The following PSMA3 variants were observed in gnomAD, a reference collection of about 807,000 sequenced individuals.
PSMA3 encodes proteasome 20S subunit alpha 3.
A neutral mutation model predicts 40.0 loss-of-function variants in PSMA3; 8 were observed. The ratio of observed to expected loss-of-function variants is 0.20; its 90% CI spans 0.12 to 0.36. PSMA3 has a LOEUF of 0.36. PSMA3 is among the 10% of genes least tolerant of loss of function. The pLI is 1.00. For synonymous variants in PSMA3, 110 were observed against 100.0 expected (o/e 1.10, Z -0.59); for missense variants, 219 against 310.6 (o/e 0.70, Z 2.22).
At chr14:58,260,089 A>AT (rs761258342) in intron 5 of PSMA3, among the ~76,000 whole-genome samples, 10 of 152,298 alleles carry the variant, frequency 6.6e-5, no homozygotes, top group Non-Finnish European at 1.3e-4. Flanking sequence ...GATGCTGCTG[A>AT]TTTCTTTTCT....
At position 58,267,641 on chromosome 14, in the gene PSMA3, G is replaced by C. The variant is rs1594833355; in HGVS notation, c.590+121G>C. The C allele has an allele frequency of 3.2e-6, 4 of 1,269,750 alleles. 1 individual carries two copies. In the African/African-American group the frequency reaches 6.2e-5, roughly 20 times the overall value. The allele number at this position is 1,269,750 out of a possible 1,614,324, so 78.7% of individuals were successfully genotyped here. A position where few individuals can be genotyped will look rare whatever the true frequency, so the allele number is the denominator to read the frequency against. ...ATAACTTAGTGTATAATTTTTAGAA[G>C]GTAAATTTAACATTCTAAGAAGCCT... is the stretch of plus-strand genomic sequence containing the variant. On this transcript the variant is annotated intron_variant, in intron 8 of 10. Coordinates refer to ENST00000216455, the MANE Select transcript of PSMA3 (RefSeq NM_002788.4).
intron 7 of PSMA3, among the ~76,000 whole-genome samples, chr14:58,264,361 A>G (rs1231254023): frequency 1.3e-5 from 2 of 152,228 alleles, no homozygotes; most frequent in East Asian, 1.9e-4. Flanking sequence ...CATAAAGCCT[A>G]CACTCTTACG....
chr14:58,247,656 C>G, intron 1 of PSMA3, 94 bp from the exon 2 acceptor site: 1 of 781,610 alleles, frequency 1.3e-6, no homozygotes, highest in Admixed American at 2.6e-5. Context: ...TGGGATATAA[C>G]AGGTTCCTGA....
intron 8 of PSMA3, chr14:58,268,771 TTCA>T (rs1447958803): frequency 6.6e-6 from 1 of 152,220 alleles, no homozygotes; most frequent in Non-Finnish European, 1.5e-5. Context: ...AAGCCATCCC[TTCA>T]TCATTTAAGA....
chr14:58,271,043 G>C (rs756480658), intron 10 of PSMA3, 45 bp downstream of exon 10: 1 of 1,457,850 alleles, frequency 6.9e-7, no homozygotes, highest in Non-Finnish European at 9.5e-7. Flanking sequence ...TACAGTCAGG[G>C]AATCACTTAG....
intron 8 of PSMA3, chr14:58,268,281 C>G (rs575405633): frequency 3.3e-5 from 5 of 152,230 alleles, no homozygotes; most frequent in Non-Finnish European, 5.9e-5. Flanking sequence ...CATAACAACT[C>G]TAAGTATTCC....
intron 5 of PSMA3, among the ~76,000 whole-genome samples, chr14:58,258,790 C>G (rs910602946): frequency 6.6e-6 from 1 of 152,096 alleles, no homozygotes; most frequent in Admixed American, 6.5e-5. Flanking sequence ...TTAAAACAGT[C>G]AAACATGTTT....
intron 8 of PSMA3, chr14:58,267,765 A>G: frequency 1.8e-6 from 1 of 551,214 alleles, no homozygotes; most frequent in Non-Finnish European, 2.5e-6. Flanking sequence ...CAGGTTAAGG[A>G]CATATACCAT....
chr14:58,260,236 C>T (rs1209412051), intron 5 of PSMA3, among the ~76,000 whole-genome samples: 4 of 152,130 alleles, frequency 2.6e-5, no homozygotes, highest in African/African-American at 9.7e-5. Flanking sequence ...TGTGCATATC[C>T]TCCTGTATGT....
At chr14:58,270,229 GTTTCATTTTA>G (rs1463926169) in intron 8 of PSMA3, 179 bp from the exon 9 acceptor site, 3 of 801,740 alleles carry the variant, frequency 3.7e-6, no homozygotes, top group Non-Finnish European at 5.5e-6. Flanking sequence ...GAGAGTAGAT[GTTTCATTTTA>G]TTTCAGTCCC....
At chr14:58,267,764 G>A in intron 8 of PSMA3, 1 of 555,166 alleles carries the variant, frequency 1.8e-6, no homozygotes, top group South Asian at 5.9e-5. Context: ...ACAGGTTAAG[G>A]ACATATACCA....
chr14:58,247,842 A>T lies in PSMA3; in HGVS notation c.104+10A>T. The T allele has an allele frequency of 6.5e-7, 1 of 1,549,244 alleles. No individual in the cohort carries two copies. The highest frequency in any genetic ancestry group is 8.9e-7 in the Non-Finnish European group (1 of 1,128,166). Reference sequence around the variant, plus strand: ...CTGTGGAAAATAGTAGGTAAGAAACATTTAACCAGGTATTACATGTCTCCT... The same window carrying T: ...CTGTGGAAAATAGTAGGTAAGAAACTTTTAACCAGGTATTACATGTCTCCT... On this transcript the variant is annotated intron_variant, in intron 2 of 10. Coordinates refer to ENST00000216455, the MANE Select transcript of PSMA3 (RefSeq NM_002788.4).
At chr14:58,271,523 T>C (rs920609966) in intron 10 of PSMA3, among the ~76,000 whole-genome samples, 1 of 152,040 alleles carries the variant, frequency 6.6e-6, no homozygotes, top group Non-Finnish European at 1.5e-5. Context: ...TCACCAATAA[T>C]ACAGAGACGG....
intron 1 of PSMA3, chr14:58,245,165 G>T (rs536186618): frequency 1.7e-6 from 1 of 574,956 alleles, no homozygotes; most frequent in Non-Finnish European, 3.1e-6. Context: ...AGGTGTAGCC[G>T]GCTTGGCGTC....
At chr14:58,271,592 C>G (rs1243337246) in intron 10 of PSMA3, among the ~76,000 whole-genome samples, 1 of 152,034 alleles carries the variant, frequency 6.6e-6, no homozygotes, top group East Asian at 1.9e-4. Context: ...CTTTGGCCCC[C>G]GTAAAGTGCT....
At chr14:58,258,564 T>A (rs1014282114) in intron 5 of PSMA3, 1 of 151,646 alleles carries the variant, frequency 6.6e-6, no homozygotes, top group South Asian at 2.1e-4. Flanking sequence ...TCGGTGTTAG[T>A]CCCTGATATT....
intron 8 of PSMA3, 116 bp downstream of exon 8, chr14:58,267,636 T>C: frequency 7.7e-7 from 1 of 1,291,284 alleles, no homozygotes; most frequent in Non-Finnish European, 9.9e-7. Context: ...GTATAATTTT[T>C]AGAAGGTAAA....
intron 6 of PSMA3, among the ~76,000 whole-genome samples, chr14:58,261,307 C>T (rs557999295): frequency 2.6e-5 from 4 of 151,844 alleles, no homozygotes; most frequent in Non-Finnish European, 5.9e-5. Flanking sequence ...CTCAGCCTCC[C>T]GGGTAGCTGG....
intron 8 of PSMA3, 177 bp from the exon 9 acceptor site, chr14:58,270,241 T>A: frequency 1.1e-6 from 1 of 881,394 alleles, no homozygotes; most frequent in Non-Finnish European, 1.6e-6. Context: ...TTCATTTTAT[T>A]TCAGTCCCTG....
Sources: gnomAD v4.1 joint callset for allele counts (sites outside exome capture counted in the v4.1 genomes callset) on GRCh38, gnomAD v4.1.1 for gene constraint, MANE v1.5 for transcripts, NCBI Gene and HGNC (gene_info 2026-07-23, HGNC 2026-07-21) for gene names.